NRXN1: variants seen among roughly 807,000 people sequenced by gnomAD.
NRXN1 encodes the protein neurexin-1.
NRXN1 carries 39 observed loss-of-function variants against 150.9 expected under a neutral mutation model. The ratio of observed to expected loss-of-function variants is 0.26; its 90% CI spans 0.20 to 0.34. The LOEUF (loss-of-function observed/expected upper bound fraction) is 0.34. Among genes scored for constraint, NRXN1 ranks in the 10% least tolerant of loss-of-function variants. The probability of loss-of-function intolerance (pLI) is 1.00; values close to 1 mark genes in which losing one functional copy is unlikely to be tolerated. For synonymous variants in NRXN1, 924 were observed against 757.0 expected (o/e 1.22, Z -3.62); for missense variants, 1,815 against 1,949.9 (o/e 0.93, Z 1.30).
intron 18 of NRXN1, among the ~76,000 whole-genome samples, chr2:50,152,481 G>A (rs566821289): frequency 5.9e-5 from 9 of 151,792 alleles, no homozygotes; most frequent in African/African-American, 1.9e-4. Context: ...CCTGAAATAA[G>A]GCATAGTAAC....
intron 17 of NRXN1, among the ~76,000 whole-genome samples, chr2:50,282,585 C>A (rs766668432): frequency 7.9e-5 from 12 of 152,110 alleles, no homozygotes; most frequent in Non-Finnish European, 1.5e-4. Context: ...GGTCCTAGAA[C>A]TAATCCCCCC....
At chr2:50,471,305 C>T (rs550470197) in intron 16 of NRXN1, among the ~76,000 whole-genome samples, 1 of 151,768 alleles carries the variant, frequency 6.6e-6, no homozygotes, top group Non-Finnish European at 1.5e-5. Context: ...ATGCTGTATG[C>T]TTTTGTGCAC....
chr2:50,136,543 C>T (rs1706438387), intron 18 of NRXN1, among the ~76,000 whole-genome samples: 1 of 152,082 alleles, frequency 6.6e-6, no homozygotes. Flanking sequence ...GGTAATGCAC[C>T]ATACTCTAAC....
chr2:50,393,804 G>T (rs922904174), intron 17 of NRXN1, among the ~76,000 whole-genome samples: 2 of 151,766 alleles, frequency 1.3e-5, no homozygotes, highest in Non-Finnish European at 1.5e-5. Flanking sequence ...CAATTCCCAG[G>T]AAAAAAGAAA....
At chr2:50,564,689 C>T (rs1217746589) in intron 8 of NRXN1, among the ~76,000 whole-genome samples, 1 of 152,056 alleles carries the variant, frequency 6.6e-6, no homozygotes, top group Non-Finnish European at 1.5e-5. Context: ...ATATTGAACA[C>T]ATGTAACTGT....
At chr2:50,174,609 C>G (rs1437578207) in intron 18 of NRXN1, 1 of 152,116 alleles carries the variant, frequency 6.6e-6, no homozygotes, top group Non-Finnish European at 1.5e-5. Context: ...AAGGGTCTGT[C>G]TGGTTTTAAA....
intron 5 of NRXN1, among the ~76,000 whole-genome samples, chr2:50,845,525 ACCATCTGAAAT>A (rs1559343787): frequency 6.6e-6 from 1 of 152,164 alleles, no homozygotes; most frequent in African/African-American, 2.4e-5. Context: ...GGCGTTTTTC[ACCATCTGAAAT>A]TAGCCTGTTC....
intron 5 of NRXN1, among the ~76,000 whole-genome samples, chr2:50,637,226 T>G (rs1278971815): frequency 6.6e-6 from 1 of 152,196 alleles, no homozygotes; most frequent in Admixed American, 6.5e-5. Context: ...ATTAATTATA[T>G]ACTGGGTCTT....
intron 2 of NRXN1, among the ~76,000 whole-genome samples, chr2:50,972,758 G>A (rs1245609146): frequency 3.9e-5 from 6 of 152,038 alleles, no homozygotes; most frequent in African/African-American, 1.2e-4. Context: ...GCGCTCTTAT[G>A]ACAATCTAAT....
At chr2:50,505,816 T>A (rs1300368652) in intron 13 of NRXN1, among the ~76,000 whole-genome samples, 2 of 152,118 alleles carry the variant, frequency 1.3e-5, no homozygotes, top group Non-Finnish European at 2.9e-5. Context: ...CATGGCTATC[T>A]CTCTGAAAAA....
intron 5 of NRXN1, among the ~76,000 whole-genome samples, chr2:50,736,835 A>T (rs1698819481): frequency 6.6e-6 from 1 of 152,202 alleles, no homozygotes; most frequent in South Asian, 2.1e-4. Context: ...AAGAGGGCAG[A>T]AACCATGACT....
At chr2:50,054,409 G>A (rs1294592493) in intron 20 of NRXN1, among the ~76,000 whole-genome samples, 1 of 152,114 alleles carries the variant, frequency 6.6e-6, no homozygotes, top group Non-Finnish European at 1.5e-5. Flanking sequence ...GCTCATAAAA[G>A]CATGCACACA....
intron 5 of NRXN1, among the ~76,000 whole-genome samples, chr2:50,818,383 C>T (rs1669236663): frequency 6.6e-6 from 1 of 151,772 alleles, no homozygotes; most frequent in Admixed American, 6.6e-5. Context: ...GGTCTTTCAA[C>T]TCCTTGGGTA....
intron 5 of NRXN1, among the ~76,000 whole-genome samples, chr2:50,691,804 A>G (rs1692125220): frequency 6.6e-6 from 1 of 152,098 alleles, no homozygotes; most frequent in Admixed American, 6.6e-5. Context: ...CTTCCATAGA[A>G]AATCTCTCAT....
At chr2:50,595,057 G>A (rs1248610850) in intron 8 of NRXN1, among the ~76,000 whole-genome samples, 1 of 151,492 alleles carries the variant, frequency 6.6e-6, no homozygotes, top group Admixed American at 6.6e-5. Flanking sequence ...GATCTTATCT[G>A]CACATCCAGA....
intron 17 of NRXN1, among the ~76,000 whole-genome samples, chr2:50,413,269 C>T (rs1029267458): frequency 1.3e-5 from 2 of 152,018 alleles, no homozygotes; most frequent in African/African-American, 4.8e-5. Flanking sequence ...AAAAAATGGG[C>T]AAAAGACTTG....
At chr2:50,146,198 C>T (rs1441260402) in intron 18 of NRXN1, among the ~76,000 whole-genome samples, 1 of 151,588 alleles carries the variant, frequency 6.6e-6, no homozygotes, top group African/African-American at 2.4e-5. Flanking sequence ...CTATGCATTT[C>T]CAAGTAGATT....
intron 8 of NRXN1, among the ~76,000 whole-genome samples, chr2:50,553,244 A>G (rs915704717): frequency 6.6e-6 from 1 of 152,256 alleles, no homozygotes; most frequent in African/African-American, 2.4e-5. Context: ...ATGTGTGTGC[A>G]GATGCACCCG....
chr2:50,470,426 C>T (rs1233634315), intron 16 of NRXN1, among the ~76,000 whole-genome samples: 1 of 151,704 alleles, frequency 6.6e-6, no homozygotes, highest in East Asian at 1.9e-4. Flanking sequence ...TCAACAACAC[C>T]TTCCATTACT....
Sources: gnomAD v4.1 joint callset for allele counts (sites outside exome capture counted in the v4.1 genomes callset) on GRCh38, gnomAD v4.1.1 for gene constraint, MANE v1.5 for transcripts, NCBI Gene and HGNC (gene_info 2026-07-23, HGNC 2026-07-21) for gene names.